The following CSMD1 variants were observed in gnomAD, a reference collection of about 807,000 sequenced individuals.
CSMD1 encodes CUB and sushi domain-containing protein 1.
CSMD1 carries 213 observed loss-of-function variants against 417.5 expected under a neutral mutation model. The observed-to-expected ratio is 0.51, with a 90% CI of 0.46 to 0.57. The LOEUF is 0.57. Among genes scored for constraint, CSMD1 ranks in the 20% least tolerant of loss-of-function variants. The pLI, the probability that CSMD1 is intolerant of heterozygous loss-of-function variation, is 0.00. For synonymous variants in CSMD1, 2,862 were observed against 1,736.8 expected (o/e 1.65, Z -16.11); for missense variants, 6,923 against 4,529.7 (o/e 1.53, Z -15.17).
chr8:3,811,892 T>C (rs1585034314), intron 5 of CSMD1, among the ~76,000 whole-genome samples: 1 of 152,154 alleles, frequency 6.6e-6, no homozygotes, highest in Admixed American at 6.5e-5. Flanking sequence ...TTTTGCTCAT[T>C]TGAAGCCTAC....
intron 2 of CSMD1, among the ~76,000 whole-genome samples, chr8:4,566,907 G>C (rs11136751): frequency 1.9e-4 from 4 of 21,276 alleles, no homozygotes; most frequent in African/African-American, 3.4e-4. Context: ...ATGAGAAAAA[G>C]TCAATTCAGG....
At chr8:4,662,385 G>T (rs1469121768) in intron 1 of CSMD1, among the ~76,000 whole-genome samples, 1 of 152,142 alleles carries the variant, frequency 6.6e-6, no homozygotes, top group Non-Finnish European at 1.5e-5. Context: ...AATTGCTGAG[G>T]AAAAGGCATT....
chr8:3,213,564 C>G (rs1797728823), intron 30 of CSMD1, among the ~76,000 whole-genome samples: 1 of 151,922 alleles, frequency 6.6e-6, no homozygotes, highest in Non-Finnish European at 1.5e-5. Flanking sequence ...TAATTTCATT[C>G]CTAAGGAATT....
chr8:3,828,213 G>A (rs551545159), intron 5 of CSMD1, among the ~76,000 whole-genome samples: 1 of 152,226 alleles, frequency 6.6e-6, no homozygotes, highest in East Asian at 1.9e-4. Flanking sequence ...TTCCTGGCTA[G>A]AAAAGACACT....
intron 3 of CSMD1, among the ~76,000 whole-genome samples, chr8:4,381,494 T>A (rs534086466): frequency 6.6e-6 from 1 of 152,264 alleles, no homozygotes; most frequent in African/African-American, 2.4e-5. Flanking sequence ...CTGGCAGGCC[T>A]ATAATTTGGA....
chr8:4,435,407 A>C (rs985769618), intron 2 of CSMD1, among the ~76,000 whole-genome samples: 2 of 152,226 alleles, frequency 1.3e-5, no homozygotes, highest in Non-Finnish European at 2.9e-5. Flanking sequence ...ACTCCAAAGA[A>C]GTCACCATGC....
At chr8:4,453,803 GC>G (rs1799297134) in intron 2 of CSMD1, among the ~76,000 whole-genome samples, 1 of 136,586 alleles carries the variant, frequency 7.3e-6, no homozygotes, top group African/African-American at 2.7e-5. Context: ...ACAAGATTGC[GC>G]AATTCGTTTC....
At chr8:3,965,197 A>G (rs578186845) in intron 5 of CSMD1, among the ~76,000 whole-genome samples, 1 of 152,310 alleles carries the variant, frequency 6.6e-6, no homozygotes, top group South Asian at 2.1e-4. Flanking sequence ...ACCAGGAGAC[A>G]AGGGCGGAAG....
intron 1 of CSMD1, among the ~76,000 whole-genome samples, chr8:4,644,770 T>A (rs1803414672): frequency 6.6e-6 from 1 of 152,244 alleles, no homozygotes; most frequent in Admixed American, 6.5e-5. Context: ...TTTACTTGCT[T>A]ACGCATTGAT....
chr8:4,357,429 A>G (rs1801493783), intron 3 of CSMD1, among the ~76,000 whole-genome samples: 1 of 152,152 alleles, frequency 6.6e-6, no homozygotes, highest in African/African-American at 2.4e-5. Context: ...AAATATTAAG[A>G]GTTTATATTT....
At chr8:3,310,523 C>A (rs62504437) in intron 23 of CSMD1, among the ~76,000 whole-genome samples, 2 of 152,214 alleles carry the variant, frequency 1.3e-5, no homozygotes, top group African/African-American at 2.4e-5. Context: ...CAAAATCTTG[C>A]GCTATCTTGA....
chr8:4,088,279 T>G (rs58193211), intron 3 of CSMD1, among the ~76,000 whole-genome samples: 25,704 of 152,236 alleles, frequency 0.17, 2,569 homozygotes, highest in South Asian at 0.38. Flanking sequence ...CACTTCTCAA[T>G]TGCATGGCCA....
chr8:4,446,733 C>CTGTG (rs758084825), intron 2 of CSMD1, among the ~76,000 whole-genome samples: 47 of 134,110 alleles, frequency 3.5e-4, no homozygotes, highest in Non-Finnish European at 6.4e-4. Flanking sequence ...GTGTGTGTGT[C>CTGTG]TGTGTGTGTG....
chr8:4,286,510 G>C (rs1797063427), intron 3 of CSMD1, among the ~76,000 whole-genome samples: 1 of 152,062 alleles, frequency 6.6e-6, no homozygotes, highest in African/African-American at 2.4e-5. Context: ...CAGGAAGGAA[G>C]ACACTCTTCT....
chr8:4,063,838 C>G (rs1799105727), intron 3 of CSMD1, among the ~76,000 whole-genome samples: 1 of 152,190 alleles, frequency 6.6e-6, no homozygotes, highest in South Asian at 2.1e-4. Context: ...AAGAAGGAAC[C>G]AGGAGTAGAC....
At chr8:3,603,736 T>C (rs928529768) in intron 8 of CSMD1, among the ~76,000 whole-genome samples, 1 of 152,226 alleles carries the variant, frequency 6.6e-6, no homozygotes. Context: ...CCCCCTGATA[T>C]ATGGGCTTGA....
At chr8:4,337,680 C>A (rs529613366) in intron 3 of CSMD1, among the ~76,000 whole-genome samples, 1 of 152,204 alleles carries the variant, frequency 6.6e-6, no homozygotes, top group South Asian at 2.1e-4. Flanking sequence ...ACAATTTTTT[C>A]TTTAAGCATG....
At chr8:4,100,633 A>C (rs1416717433) in intron 3 of CSMD1, among the ~76,000 whole-genome samples, 3 of 152,174 alleles carry the variant, frequency 2.0e-5, no homozygotes, top group African/African-American at 7.2e-5. Context: ...AATGGGGATA[A>C]GTATGTCCAT....
intron 36 of CSMD1, among the ~76,000 whole-genome samples, chr8:3,181,618 T>G (rs547767970): frequency 4.0e-4 from 61 of 152,282 alleles, no homozygotes; most frequent in African/African-American, 1.4e-3. Context: ...TGGATAGTGA[T>G]CTGACATATC....
Sources: allele counts gnomAD v4.1 joint callset (sites outside exome capture counted in the v4.1 genomes callset), GRCh38; gene constraint gnomAD v4.1.1; transcripts MANE v1.5; gene names NCBI Gene and HGNC (gene_info 2026-07-23, HGNC 2026-07-21).